Variants in PLAUR observed in about 807,000 individuals in gnomAD.
The protein encoded by PLAUR is plasminogen activator, urokinase receptor.
A neutral mutation model predicts 33.4 loss-of-function variants in PLAUR; 22 were observed. The observed-to-expected ratio is 0.66, with a 90% CI of 0.47 to 0.94. The LOEUF (loss-of-function observed/expected upper bound fraction) is 0.94. PLAUR is among the 40% of genes least tolerant of loss of function. PLAUR has a pLI of 0.00. For missense variants in PLAUR, 408 were observed against 434.7 expected, an observed-to-expected ratio of 0.94 and a Z score of 0.55; for synonymous variants, 148 against 167.3, an observed-to-expected ratio of 0.88 and a Z score of 0.89.
chr19:43,662,124 C>T (rs1967024440), intron 3 of PLAUR, among the ~76,000 whole-genome samples: 1 of 152,286 alleles, frequency 6.6e-6, no homozygotes, highest in South Asian at 2.1e-4. Flanking sequence ...ACCTCGCCCA[C>T]CCCCAAGTTG....
In PLAUR at chr19:43,656,584, A is replaced by T. The variant is rs143625141; in HGVS notation, c.367T>A (p.Ser123Thr). The T allele has an allele frequency of 2.5e-6, 4 of 1,612,542 alleles. No homozygotes were observed. The highest frequency in any genetic ancestry group is 1.3e-5 in the African/African-American group (1 of 74,954). The change falls in exon 4 of 7, where the codon TCA becomes ACA. Residue 123 changes from serine to threonine, a missense_variant. Physicochemically the swap from Ser to Thr is moderately conservative, Grantham distance 58. Coordinates refer to ENST00000340093, the MANE Select transcript of PLAUR (RefSeq NM_002659.4). ...RYLECISCGS[S>T]DMSCERGRHQ... The stretch of plus-strand genomic sequence containing the variant: ...CGGCCCCTCTCACAGCTCATGTCTG[A>T]TGAGCCACAGGAAATGCATTCGAGG...
chr19:43,659,279 G>A (rs1974343151), intron 3 of PLAUR, among the ~76,000 whole-genome samples: 1 of 146,930 alleles, frequency 6.8e-6, no homozygotes, highest in South Asian at 2.2e-4. Context: ...TCAGCCTACT[G>A]AGTAGCTGAG....
chr19:43,670,169 T>A lies in PLAUR; in HGVS notation c.-49A>T. On this transcript the variant is annotated 5_prime_UTR_variant, in exon 1 of 7. Transcript: ENST00000340093. ...CGGGGTCCCTGCACGTCTTCTCTCC[T>A]TCTGGCCTCAGGAAGGAGGCAGTTT... 6.3e-7 allele frequency: 1 copy of A among 1,586,404 alleles called. No individual in the cohort carries two copies. The highest frequency in any genetic ancestry group is 8.6e-7 in the Non-Finnish European group (1 of 1,166,224).
In PLAUR at chr19:43,667,648, AT is replaced by A; in HGVS notation, c.98del (p.Asp33ValfsTer45). 6.2e-7 allele frequency: 1 copy of A among 1,614,010 alleles called. No individual in the cohort carries two copies. Among genetic ancestry groups the A allele is most frequent in the East Asian group, 2.2e-5 (1 of 44,858 alleles). On this transcript the variant is annotated frameshift_variant, in exon 2 of 7. Coordinates refer to ENST00000340093, the MANE Select transcript of PLAUR (RefSeq NM_002659.4). ...LRCMQCKTNG[D>X]CRVEECALGQ... ...CCAGGGCGCACTCTTCCACACGGCA[AT>A]CCCCGTTGGTCTTACACTGCATGCA...
intron 3 of PLAUR, chr19:43,661,346 C>T (rs1363186480): frequency 6.6e-6 from 1 of 152,196 alleles, no homozygotes; most frequent in Non-Finnish European, 1.5e-5. Flanking sequence ...AAATTCTACA[C>T]TTCTGTTATT....
chr19:43,655,465 T>G lies in PLAUR; in HGVS notation c.581A>C (p.Asn194Thr). The change falls in exon 5 of 7, where the codon AAC becomes ACC. Residue 194 changes from asparagine (N) to threonine (T), a missense_variant. Asn to Thr is a moderately conservative substitution (Grantham distance 65). Coordinates refer to ENST00000340093, the MANE Select transcript of PLAUR (RefSeq NM_002659.4). ...TGGGCCCTCGTTGCATTTGGTGGTGTTGCAGCATTTCAGGAAGTGGAAGGT... is the reference window on the plus strand; with the variant it reads ...TGGGCCCTCGTTGCATTTGGTGGTGGTGCAGCATTTCAGGAAGTGGAAGGT... ...NDTFHFLKCC[N>T]TTKCNEGPIL... 5 of 1,614,142 alleles carry G rather than the reference T, an allele frequency of 3.1e-6. No homozygotes were observed. The highest frequency in any genetic ancestry group is 4.2e-6 in the Non-Finnish European group (5 of 1,180,010).
At chr19:43,665,506 A>G (rs200116550) in intron 2 of PLAUR, 47 bp from the exon 3 acceptor site, 3 of 1,597,024 alleles carry the variant, frequency 1.9e-6, no homozygotes, top group African/African-American at 1.4e-5. Flanking sequence ...TCTCAGCTCA[A>G]CCAGCCTCTG....
intron 1 of PLAUR, 148 bp from the exon 2 acceptor site, chr19:43,667,839 G>T: frequency 6.9e-7 from 1 of 1,457,528 alleles, no homozygotes; most frequent in South Asian, 1.4e-5. Flanking sequence ...TCCGGCCGGC[G>T]GTACTTCCAG....
downstream of PLAUR, chr19:43,646,356 C>T (rs1304331212): frequency 3.0e-6 from 2 of 659,394 alleles, no homozygotes; most frequent in Non-Finnish European, 5.6e-6. Context: ...CTCTATATCA[C>T]ATCTGCTGGG....
intron 3 of PLAUR, among the ~76,000 whole-genome samples, chr19:43,663,495 G>T (rs1355696043): frequency 6.6e-6 from 1 of 151,862 alleles, no homozygotes. Context: ...TAGAAATGGG[G>T]ATGAGGCCGG....
chr19:43,664,892 G>A (rs183410386), intron 3 of PLAUR, among the ~76,000 whole-genome samples: 32 of 152,302 alleles, frequency 2.1e-4, no homozygotes, highest in African/African-American at 7.2e-4. Context: ...CTTGTTAAGG[G>A]CAGAGTTGCA....
intron 5 of PLAUR, 61 bp downstream of exon 5, chr19:43,655,378 G>A (rs1974163583): frequency 1.3e-6 from 2 of 1,560,206 alleles, no homozygotes; most frequent in African/African-American, 1.4e-5. Context: ...CTGCGCAGCT[G>A]TCTGCCTGAG....
At position 43,649,149 on chromosome 19, in the gene PLAUR, G is replaced by C. The variant is rs4251920; in HGVS notation, c.755-6C>G. On this transcript the variant is annotated splice_polypyrimidine_tract_variant and splice_region_variant and intron_variant, in intron 6 of 6. Coordinates refer to ENST00000340093, the MANE Select transcript of PLAUR (RefSeq NM_002659.4). The stretch of plus-strand genomic sequence containing the variant: ...ATAGCTTTGGTTTTTCGGTTCTGAG[G>C]AAAGAGAAGACGGAGTGAGACTTCC... The C allele has an allele frequency of 7.5e-6, 12 of 1,602,132 alleles. No homozygotes were observed. In the African/African-American group the frequency reaches 1.3e-4, roughly 18 times the overall value.
In PLAUR at chr19:43,649,013, G is replaced by A. The variant is rs1302087443; in HGVS notation, c.885C>T (p.His295=). The A allele has an allele frequency of 6.2e-7, 1 of 1,614,252 alleles. No homozygotes were observed. Residue 295 remains histidine (H), a synonymous_variant, in exon 7 of 7, where the codon CAC becomes CAT. Transcript: ENST00000340093. Reference sequence around the variant, plus strand: ...TGCGGTACTGGACATCCAGGTCTGGGTGGTTACAGCCACTTTTAGTACAGC... The same window carrying A: ...TGCGGTACTGGACATCCAGGTCTGGATGGTTACAGCCACTTTTAGTACAGC... ...VSCCTKSGCN[H]PDLDVQYRSG...
intron 3 of PLAUR, among the ~76,000 whole-genome samples, chr19:43,662,641 A>G (rs971330493): frequency 6.6e-6 from 1 of 151,474 alleles, no homozygotes; most frequent in Non-Finnish European, 1.5e-5. Flanking sequence ...GCCCCACTGT[A>G]CTGTTTCCTT....
chr19:43,653,701 C>T (rs1208920942), intron 5 of PLAUR, among the ~76,000 whole-genome samples: 4 of 149,670 alleles, frequency 2.7e-5, no homozygotes, highest in Admixed American at 1.3e-4. Context: ...AAATGAAGGC[C>T]AGGTGCAGCG....
chr19:43,650,801 G>T (rs1168737431), intron 6 of PLAUR, among the ~76,000 whole-genome samples: 2 of 151,962 alleles, frequency 1.3e-5, no homozygotes, highest in Admixed American at 1.3e-4. Flanking sequence ...TTGGGAGGCC[G>T]AGGCAGGCAG....
chr19:43,652,283 A>G lies in PLAUR; in HGVS notation c.696T>C (p.Thr232=), dbSNP rs373308506. 6.5e-5 allele frequency: 105 copies of G among 1,614,140 alleles called. 1 individual carries two copies. The East Asian group carries it at 1.2e-3, about 18-fold the overall frequency. The change falls in exon 6 of 7, where the codon ACT becomes ACC. Residue 232 remains threonine (T), a synonymous_variant. Coordinates refer to ENST00000340093, the MANE Select transcript of PLAUR (RefSeq NM_002659.4). ...NSTHGCSSEE[T]FLIDCRGPMN... ...TGGGGCCTCGGCAGTCAATGAGGAA[A>G]GTCTCTTCAGAGGAGCATCCATGGG... is the stretch of plus-strand genomic sequence containing the variant.
intron 3 of PLAUR, among the ~76,000 whole-genome samples, chr19:43,663,721 C>T (rs918306084): frequency 6.8e-6 from 1 of 147,882 alleles, no homozygotes; most frequent in African/African-American, 2.5e-5. Context: ...GCGGAGGTTG[C>T]AGAGAGCCGA....
Sources: allele counts gnomAD v4.1 joint callset (sites outside exome capture counted in the v4.1 genomes callset), GRCh38; gene constraint gnomAD v4.1.1; transcripts MANE v1.5; gene names NCBI Gene and HGNC (gene_info 2026-07-23, HGNC 2026-07-21).